The following ESR1 variants were observed in gnomAD, a reference collection of about 807,000 sequenced individuals.
ESR1 encodes the protein estrogen receptor.
In ESR1, 12 loss-of-function variants were observed where a neutral mutation model predicts 52.7. The observed-to-expected ratio is 0.23, with a 90% confidence interval of 0.15 to 0.37. The LOEUF is 0.37. Among genes scored for constraint, ESR1 ranks in the 10% least tolerant of loss-of-function variants. ESR1 has a pLI of 1.00. For synonymous variants in ESR1, 305 were observed against 316.8 expected, an observed-to-expected ratio of 0.96 and a Z score of 0.39; for missense variants, 584 against 779.7, an observed-to-expected ratio of 0.75 and a Z score of 2.99.
In ESR1 at chr6:151,924,188, G is replaced by A. The variant is rs367666294; in HGVS notation, c.761-19985G>A. Among the ~76,000 whole-genome samples, 70 of 152,040 alleles carry A rather than the reference G, an allele frequency of 4.6e-4. No homozygotes were observed. The South Asian group carries it at 4.8e-3, about 10-fold the overall frequency. On this transcript the variant is annotated intron_variant, in intron 3 of 7. Transcript: ENST00000206249. Reference sequence around the variant, plus strand: ...CTCCCAAGTACCTGGGATTACAGGCGCCTGCCACCATACCCGGCTAATTGT... The same window carrying A: ...CTCCCAAGTACCTGGGATTACAGGCACCTGCCACCATACCCGGCTAATTGT...
At chr6:151,758,877 A>C (rs1017117877) in intron 2 of ESR1, among the ~76,000 whole-genome samples, 13 of 152,202 alleles carry the variant, frequency 8.5e-5, no homozygotes, top group African/African-American at 2.6e-4. Flanking sequence ...TGCCTCTCCT[A>C]GTCTCTTTCC....
At chr6:151,802,936 G>T (rs1428626743), upstream of ESR1, among the ~76,000 whole-genome samples, 1 of 146,330 alleles carries the variant, frequency 6.8e-6, no homozygotes, top group Non-Finnish European at 1.5e-5. Context: ...AGGTTGCAGT[G>T]AGCCGAGATC....
At chr6:151,719,910 T>C (rs1280288947) in intron 2 of ESR1, among the ~76,000 whole-genome samples, 1 of 152,172 alleles carries the variant, frequency 6.6e-6, no homozygotes, top group African/African-American at 2.4e-5. Flanking sequence ...GTATTTCCCT[T>C]TAATGTTTGA....
intron 4 of ESR1, among the ~76,000 whole-genome samples, chr6:151,960,900 C>T (rs756172456): frequency 1.3e-5 from 2 of 152,052 alleles, no homozygotes; most frequent in African/African-American, 2.4e-5. Flanking sequence ...GTAGAGCTGA[C>T]AGGATTTTCC....
chr6:151,816,072 T>C (rs532249881), intron 1 of ESR1, among the ~76,000 whole-genome samples: 88 of 152,158 alleles, frequency 5.8e-4, no homozygotes, highest in Non-Finnish European at 8.7e-4. Flanking sequence ...AGTTCAATGA[T>C]GGTGAATCAA....
chr6:151,986,207 G>A (rs574059112), intron 4 of ESR1, among the ~76,000 whole-genome samples: 110 of 152,178 alleles, frequency 7.2e-4, no homozygotes, highest in African/African-American at 2.6e-3. Context: ...GATGAATGAA[G>A]CACTGGTTTT....
At chr6:151,691,763 C>T (rs1778965254) in intron 1 of ESR1, among the ~76,000 whole-genome samples, 1 of 152,158 alleles carries the variant, frequency 6.6e-6, no homozygotes, top group Admixed American at 6.5e-5. Context: ...GTACAGAGAA[C>T]TTAAATTGGA....
At chr6:152,042,542 C>G (rs184362559) in intron 5 of ESR1, among the ~76,000 whole-genome samples, 19 of 152,250 alleles carry the variant, frequency 1.2e-4, no homozygotes, top group African/African-American at 3.9e-4. Flanking sequence ...AGAGTCACTG[C>G]ATAAATTGTC....
intron 2 of ESR1, among the ~76,000 whole-genome samples, chr6:151,724,441 C>T (rs945048220): frequency 5.9e-5 from 9 of 151,968 alleles, no homozygotes; most frequent in African/African-American, 9.7e-5. Flanking sequence ...CCTTCAGAAA[C>T]GGACATTTAA....
chr6:151,671,960 C>G (rs908028805), intron 1 of ESR1, among the ~76,000 whole-genome samples: 3 of 152,162 alleles, frequency 2.0e-5, no homozygotes, highest in Non-Finnish European at 4.4e-5. Flanking sequence ...GCACTGCACT[C>G]CAGCCTGGGT....
chr6:151,659,314 G>A (rs1273133564), intron 1 of ESR1, among the ~76,000 whole-genome samples: 1 of 152,144 alleles, frequency 6.6e-6, no homozygotes, highest in Non-Finnish European at 1.5e-5. Context: ...TGCCCGGCCT[G>A]CTAAGGCAAG....
intron 4 of ESR1, among the ~76,000 whole-genome samples, chr6:151,958,305 C>T (rs953873603): frequency 4.9e-5 from 7 of 143,970 alleles, no homozygotes; most frequent in Admixed American, 4.2e-4. Context: ...CACACTAAGG[C>T]TCTTTTGGGG....
chr6:151,858,545 G>T (rs1788291315), intron 2 of ESR1, among the ~76,000 whole-genome samples: 1 of 149,678 alleles, frequency 6.7e-6, no homozygotes, highest in Admixed American at 6.7e-5. Flanking sequence ...GTTTGAATGT[G>T]TCCTGACCCA....
chr6:151,675,765 C>T (rs1045783767), intron 1 of ESR1, among the ~76,000 whole-genome samples: 4 of 152,194 alleles, frequency 2.6e-5, no homozygotes, highest in African/African-American at 9.7e-5. Flanking sequence ...AAACATTAAG[C>T]ATTGTTTGAG....
intron 4 of ESR1, among the ~76,000 whole-genome samples, chr6:151,969,055 A>G (rs1053561271): frequency 6.6e-6 from 1 of 152,072 alleles, no homozygotes; most frequent in Non-Finnish European, 1.5e-5. Flanking sequence ...GTAGGGAAGG[A>G]CACAGTTCTC....
chr6:151,881,308 T>C (rs925423043), intron 3 of ESR1, among the ~76,000 whole-genome samples: 31 of 152,334 alleles, frequency 2.0e-4, no homozygotes, highest in Non-Finnish European at 3.7e-4. Flanking sequence ...GTGTCTAGCA[T>C]GGTGCTGGCA....
chr6:152,042,640 AATTG>A (rs1286666379), intron 5 of ESR1, among the ~76,000 whole-genome samples: 1 of 152,132 alleles, frequency 6.6e-6, no homozygotes, highest in Non-Finnish European at 1.5e-5. Flanking sequence ...CAAGTCTGCA[AATTG>A]ATTGAGGGGC....
chr6:151,924,319 A>T (rs375978918), intron 3 of ESR1, among the ~76,000 whole-genome samples: 1 of 152,138 alleles, frequency 6.6e-6, no homozygotes, highest in Admixed American at 6.6e-5. Flanking sequence ...GGGATTACAG[A>T]CATAAGCCAC....
intron 3 of ESR1, among the ~76,000 whole-genome samples, chr6:151,900,130 C>T (rs1409550962): frequency 6.6e-6 from 1 of 152,206 alleles, no homozygotes; most frequent in African/African-American, 2.4e-5. Flanking sequence ...CGGTTTTGTT[C>T]ATTTTTTAAA....
Sources: gnomAD v4.1 joint callset for allele counts (sites outside exome capture counted in the v4.1 genomes callset) on GRCh38, gnomAD v4.1.1 for gene constraint, MANE v1.5 for transcripts, NCBI Gene and HGNC (gene_info 2026-07-23, HGNC 2026-07-21) for gene names.